Variants in EEFSEC observed in about 807,000 individuals in gnomAD.
EEFSEC encodes eukaryotic elongation factor, selenocysteine-tRNA specific.
A neutral mutation model predicts 42.1 loss-of-function variants in EEFSEC; 43 were observed. The observed-to-expected ratio is 1.02, with a 90% CI of 0.80 to 1.32. The LOEUF is 1.32. EEFSEC is among the 40% of genes most tolerant of loss of function. The pLI, the probability that EEFSEC is intolerant of heterozygous loss-of-function variation, is 0.00. For synonymous variants in EEFSEC, 354 were observed against 339.1 expected, an observed-to-expected ratio of 1.04 and a Z score of -0.48; for missense variants, 745 against 803.6, an observed-to-expected ratio of 0.93 and a Z score of 0.88.
chr3:128,409,292 A>G (rs2068157232), downstream of EEFSEC, among the ~76,000 whole-genome samples: 2 of 152,230 alleles, frequency 1.3e-5, no homozygotes, highest in Non-Finnish European at 2.9e-5. Context: ...TTTAATTTGC[A>G]AATGGCATTA....
At chr3:128,392,114 T>C (rs2067920379) in intron 6 of EEFSEC, among the ~76,000 whole-genome samples, 1 of 152,218 alleles carries the variant, frequency 6.6e-6, no homozygotes, top group Non-Finnish European at 1.5e-5. Context: ...GATCTGCAGC[T>C]CTTAACAGCC....
chr3:128,246,962 T>C lies in EEFSEC; in HGVS notation c.443T>C (p.Ile148Thr), dbSNP rs777862851. The stretch of plus-strand genomic sequence containing the variant: ...AAGCTGGTCGTGGTGCTGAACAAAA[T>C]AGACCTCTTACCTGAAGGAAAGAGA... ...CQKLVVVLNK[I>T]DLLPEGKRQA... The change falls in exon 2 of 7, where the codon ATA becomes ACA. Residue 148 changes from isoleucine (I) to threonine (T), a missense_variant. Transcript: ENST00000254730. 24 of 1,613,940 alleles carry C rather than the reference T, an allele frequency of 1.5e-5. No homozygotes were observed. The highest frequency in any genetic ancestry group is 5.0e-5 in the Admixed American group (3 of 59,988).
intron 5 of EEFSEC, among the ~76,000 whole-genome samples, chr3:128,353,369 G>A (rs2067412075): frequency 6.6e-6 from 1 of 152,186 alleles, no homozygotes; most frequent in Non-Finnish European, 1.5e-5. Context: ...GGGGCTGACT[G>A]GGCTGGAACA....
chr3:128,392,143 C>T (rs2067920866), intron 6 of EEFSEC, among the ~76,000 whole-genome samples: 1 of 152,210 alleles, frequency 6.6e-6, no homozygotes, highest in Non-Finnish European at 1.5e-5. Context: ...GCCCTCATGC[C>T]CAGTGCTAGC....
At chr3:128,164,216 C>T (rs2065222786) in intron 1 of EEFSEC, among the ~76,000 whole-genome samples, 1 of 152,200 alleles carries the variant, frequency 6.6e-6, no homozygotes. Context: ...ATACACGTTG[C>T]ATGGCTTTGT....
intron 1 of EEFSEC, among the ~76,000 whole-genome samples, chr3:128,230,622 T>G (rs925178862): frequency 6.6e-6 from 1 of 152,216 alleles, no homozygotes; most frequent in Non-Finnish European, 1.5e-5. Context: ...CCAAGTGAGG[T>G]TGGTTAGCAA....
intron 2 of EEFSEC, among the ~76,000 whole-genome samples, chr3:128,254,761 TCA>T (rs1365461604): frequency 1.3e-5 from 2 of 152,120 alleles, no homozygotes; most frequent in East Asian, 3.9e-4. Flanking sequence ...CCCAGGACAG[TCA>T]CAGAGTCCTG....
intron 1 of EEFSEC, among the ~76,000 whole-genome samples, chr3:128,171,102 C>T (rs1001144305): frequency 2.0e-5 from 3 of 152,278 alleles, no homozygotes; most frequent in Non-Finnish European, 2.9e-5. Flanking sequence ...ATGCCGACTC[C>T]GAACTATTTG....
At chr3:128,420,974 A>G in the EEFSEC span, among the ~76,000 whole-genome samples, 1 of 152,124 alleles carries the variant, frequency 6.6e-6, no homozygotes, top group Non-Finnish European at 1.5e-5. Flanking sequence ...GGAGGCTCTC[A>G]GGCCTCACAG....
chr3:128,407,940 A>G, intron 6 of EEFSEC, 129 bp from the exon 7 acceptor site: 1 of 836,948 alleles, frequency 1.2e-6, no homozygotes, highest in Non-Finnish European at 1.8e-6. Flanking sequence ...AATGGACCAC[A>G]GGCCTCAGGG....
rs1205375588 is a variant in EEFSEC at position 128,164,456 on chromosome 3, G to A, written c.316+10633G>A. Among the ~76,000 whole-genome samples the A allele has an allele frequency of 5.9e-5, 9 of 152,304 alleles. 1 individual carries two copies. The South Asian group carries it at 1.9e-3, about 32-fold the overall frequency. ...GGAAGGATGACCTGTGGATTTCCAG[G>A]CTGAGAGATCCAGGAAACAGCCTTA... On this transcript the variant is annotated intron_variant, in intron 1 of 6. Transcript: ENST00000254730.
intron 3 of EEFSEC, 26 bp from the exon 4 acceptor site, chr3:128,264,591 C>A: frequency 1.2e-6 from 2 of 1,611,060 alleles, no homozygotes; most frequent in Non-Finnish European, 8.5e-7. Context: ...TCCCCACGGA[C>A]TGTGGCACCA....
intron 1 of EEFSEC, among the ~76,000 whole-genome samples, chr3:128,246,230 G>GCA (rs10546350): frequency 7.7e-4 from 116 of 149,712 alleles, no homozygotes; most frequent in South Asian, 2.3e-3. Flanking sequence ...AAGCGTGCAC[G>GCA]CACACACACA....
chr3:128,167,125 C>A (rs1029478444), intron 1 of EEFSEC, among the ~76,000 whole-genome samples: 9 of 152,102 alleles, frequency 5.9e-5, no homozygotes, highest in African/African-American at 1.4e-4. Flanking sequence ...ATTCTGGCTA[C>A]GTGCACTTTT....
At chr3:128,401,399 G>T (rs1236986023) in intron 6 of EEFSEC, among the ~76,000 whole-genome samples, 1 of 152,228 alleles carries the variant, frequency 6.6e-6, no homozygotes. Flanking sequence ...CAATCCTGGA[G>T]AGGTGCCCCC....
intron 1 of EEFSEC, among the ~76,000 whole-genome samples, chr3:128,182,317 A>C (rs1424063503): frequency 2.0e-5 from 3 of 152,196 alleles, no homozygotes; most frequent in African/African-American, 7.2e-5. Flanking sequence ...CTATCCAAAA[A>C]AAAAAAAAAA....
At chr3:128,155,016 A>G (rs1449461603) in intron 1 of EEFSEC, among the ~76,000 whole-genome samples, 1 of 152,208 alleles carries the variant, frequency 6.6e-6, no homozygotes, top group Non-Finnish European at 1.5e-5. Context: ...AAGAAATAGA[A>G]CATCACAAAT....
At chr3:128,309,051 T>C (rs1293274994) in intron 4 of EEFSEC, among the ~76,000 whole-genome samples, 1 of 152,250 alleles carries the variant, frequency 6.6e-6, no homozygotes, top group Non-Finnish European at 1.5e-5. Flanking sequence ...TTTGTACGCA[T>C]GATCTCATTC....
At chr3:128,374,520 TG>T (rs1345772630) in intron 6 of EEFSEC, among the ~76,000 whole-genome samples, 2 of 152,012 alleles carry the variant, frequency 1.3e-5, no homozygotes, top group Admixed American at 1.3e-4. Flanking sequence ...AGTGGGTGAG[TG>T]GGGGAGACCT....
Sources: allele counts gnomAD v4.1 joint callset (sites outside exome capture counted in the v4.1 genomes callset), GRCh38; gene constraint gnomAD v4.1.1; transcripts MANE v1.5; gene names NCBI Gene and HGNC (gene_info 2026-07-23, HGNC 2026-07-21).